ABCB11: variants seen among roughly 807,000 people sequenced by gnomAD.
ABCB11 encodes the protein ATP binding cassette subfamily B member 11, also known as bile salt export pump.
Under a neutral mutation model 148.0 loss-of-function variants are expected in ABCB11, and 95 were observed. The observed-to-expected ratio is 0.64, with a 90% CI of 0.54 to 0.76. ABCB11 has a LOEUF of 0.76. ABCB11 is among the 30% of genes least tolerant of loss of function. The pLI is 0.00. For missense variants in ABCB11, 1,523 were observed against 1,617.8 expected (o/e 0.94, Z 1.01); for synonymous variants, 591 against 555.4 (o/e 1.06, Z -0.90).
chr2:168,970,397 G>C, intron 14 of ABCB11, 182 bp from the exon 15 acceptor site: 1 of 1,460,932 alleles, frequency 6.8e-7, no homozygotes. Flanking sequence ...ATTTATGTGT[G>C]AAATAAAGGA....
intron 18 of ABCB11, among the ~76,000 whole-genome samples, chr2:168,959,344 AC>A (rs1254172517): frequency 6.6e-6 from 1 of 151,658 alleles, no homozygotes; most frequent in Non-Finnish European, 1.5e-5. Flanking sequence ...GTGACAGCTT[AC>A]TAGCTCTAGG....
At chr2:168,930,197 T>A (rs56100844) in intron 25 of ABCB11, among the ~76,000 whole-genome samples, 1 of 152,194 alleles carries the variant, frequency 6.6e-6, no homozygotes, top group Non-Finnish European at 1.5e-5. Context: ...TACATGGCTC[T>A]CAATCTGAGT....
chr2:168,974,292 G>A (rs987648135), intron 12 of ABCB11, among the ~76,000 whole-genome samples: 9 of 152,004 alleles, frequency 5.9e-5, no homozygotes, highest in Admixed American at 2.6e-4. Context: ...TAAGCCGTCC[G>A]TCATGTGTAT....
rs548394775 is a variant in ABCB11, at chr2:168,996,659, T to C, written c.453A>G (p.Ala151=). Residue 151 remains alanine, a synonymous_variant, in exon 6 of 28, where the codon GCA becomes GCG. Coordinates refer to ENST00000650372, the MANE Select transcript of ABCB11 (RefSeq NM_003742.4). ...CTTGAATATATCCTGTGATAAGTAC[T>C]GCGACAGCAATTCCAGCATAGTAAC... The part of the protein sequence containing the change: ...FASYYAGIAV[A]VLITGYIQIC... 9 of 1,567,998 alleles carry C rather than the reference T, an allele frequency of 5.7e-6. No homozygotes were observed. The highest frequency in any genetic ancestry group is 3.6e-5 in the Admixed American group (2 of 55,816).
At chr2:168,917,612 C>A (rs1327743216), downstream of ABCB11, among the ~76,000 whole-genome samples, 2 of 152,188 alleles carry the variant, frequency 1.3e-5, no homozygotes, top group Non-Finnish European at 2.9e-5. Flanking sequence ...CTTCTGACAT[C>A]AAAATGATTT....
intron 25 of ABCB11, among the ~76,000 whole-genome samples, chr2:168,928,097 A>G (rs921410074): frequency 3.3e-5 from 5 of 152,158 alleles, no homozygotes; most frequent in African/African-American, 1.2e-4. Flanking sequence ...ATTATTTCAG[A>G]AAAAAATTGT....
chr2:168,998,958 G>C (rs986175540), intron 5 of ABCB11, among the ~76,000 whole-genome samples: 1 of 152,070 alleles, frequency 6.6e-6, no homozygotes, highest in African/African-American at 2.4e-5. Flanking sequence ...GGAAGGAAAA[G>C]AGCAGGCCTG....
chr2:168,989,007 T>A (rs1694425497), intron 9 of ABCB11, among the ~76,000 whole-genome samples: 1 of 152,164 alleles, frequency 6.6e-6, no homozygotes, highest in Non-Finnish European at 1.5e-5. Context: ...GTTGTTTGTG[T>A]TTCTTATATG....
In ABCB11 at chr2:168,983,164, C is replaced by T. The variant is rs537443388; in HGVS notation, c.1083+2946G>A. Among the ~76,000 whole-genome samples, 83 of 152,292 alleles carry T rather than the reference C, an allele frequency of 5.5e-4. 2 individuals carry two copies. In the South Asian group the frequency reaches 0.017, roughly 31 times the overall value. On this transcript the variant is annotated intron_variant, in intron 10 of 27. Coordinates refer to ENST00000650372, the MANE Select transcript of ABCB11 (RefSeq NM_003742.4). ...ATTTGATTTTCAATTTACCAATTCA[C>T]TTTTCCCTCTGAACCATTATTATTG...
In ABCB11 at chr2:168,956,193, G is replaced by A. The variant is rs143195233; in HGVS notation, c.2343+1771C>T. ...ACAAAGTTTTAAACAACCAGATCTC[G>A]TGAGAACTCACTCACTATCACAAGA... On this transcript the variant is annotated intron_variant, in intron 19 of 27. Transcript: ENST00000650372. 6.7e-3 allele frequency among the ~76,000 whole-genome samples: 1,012 copies of A among 151,342 alleles called. 14 individuals carry two copies. The highest frequency in any genetic ancestry group is 0.023 in the African/African-American group (936 of 41,150).
At chr2:168,973,345 A>G (rs1574453028) in intron 13 of ABCB11, among the ~76,000 whole-genome samples, 1 of 152,054 alleles carries the variant, frequency 6.6e-6, no homozygotes, top group Admixed American at 6.6e-5. Flanking sequence ...CTAAATATCA[A>G]TCATTTCTCT....
intron 19 of ABCB11, among the ~76,000 whole-genome samples, chr2:168,952,355 C>T (rs964944435): frequency 1.3e-5 from 2 of 151,122 alleles, no homozygotes; most frequent in Non-Finnish European, 3.0e-5. Context: ...TGGTCCTGGG[C>T]TTTTATTTTT....
chr2:169,018,013 C>G, intron 2 of ABCB11, 37 bp downstream of exon 2: 1 of 1,564,734 alleles, frequency 6.4e-7, no homozygotes. Flanking sequence ...CTCACCTCTC[C>G]TTGTACAAGA....
At chr2:169,021,292 A>G (rs532260733) in intron 1 of ABCB11, among the ~76,000 whole-genome samples, 35 of 152,250 alleles carry the variant, frequency 2.3e-4, no homozygotes, top group Non-Finnish European at 4.9e-4. Context: ...TATAAATGAA[A>G]TAATTTATAA....
chr2:169,027,865 T>C (rs1248153414), intron 1 of ABCB11, among the ~76,000 whole-genome samples: 1 of 151,890 alleles, frequency 6.6e-6, no homozygotes, highest in Non-Finnish European at 1.5e-5. Flanking sequence ...ATGGCTGGGA[T>C]CAATACTAGC....
At chr2:168,981,627 C>T (rs1352314253) in intron 10 of ABCB11, among the ~76,000 whole-genome samples, 1 of 152,106 alleles carries the variant, frequency 6.6e-6, no homozygotes, top group East Asian at 1.9e-4. Flanking sequence ...GCAGATAGAA[C>T]ACTTCTTATG....
intron 19 of ABCB11, among the ~76,000 whole-genome samples, chr2:168,952,217 TG>T (rs1692597993): frequency 6.6e-6 from 1 of 151,746 alleles, no homozygotes; most frequent in Admixed American, 6.6e-5. Context: ...AGTCTGGTTT[TG>T]GTATCAGGTG....
In ABCB11 at chr2:168,958,012, G is replaced by A. The variant is rs202158121; in HGVS notation, c.2295C>T (p.Asn765=). The change falls in exon 19 of 28, where the codon AAC becomes AAT. Residue 765 remains asparagine, a synonymous_variant. Transcript: ENST00000650372. Reference sequence around the variant, plus strand: ...AGGCATACAAGGGTGTGACTGTCCCGTTCACAGCTGCACCCACAGACCCTA... The same window carrying A: ...AGGCATACAAGGGTGTGACTGTCCCATTCACAGCTGCACCCACAGACCCTA... ...MLVGSVGAAV[N]GTVTPLYAFL... 105 of 1,609,540 alleles carry A rather than the reference G, an allele frequency of 6.5e-5. No individual in the cohort carries two copies. Among genetic ancestry groups the A allele is most frequent in the Non-Finnish European group, 7.9e-5 (93 of 1,177,020 alleles).
chr2:169,020,725 G>A (rs1354273728), intron 1 of ABCB11, among the ~76,000 whole-genome samples: 3 of 152,054 alleles, frequency 2.0e-5, no homozygotes, highest in Non-Finnish European at 4.4e-5. Context: ...TGCTGGGGTA[G>A]GGGTAGGGGT....
Sources: allele counts gnomAD v4.1 joint callset (sites outside exome capture counted in the v4.1 genomes callset), GRCh38; gene constraint gnomAD v4.1.1; transcripts MANE v1.5; gene names NCBI Gene and HGNC (gene_info 2026-07-23, HGNC 2026-07-21).